The following ASPRV1 variants were observed in gnomAD, a reference collection of about 807,000 sequenced individuals.
ASPRV1 encodes retroviral-like aspartic protease 1.
A neutral mutation model predicts 11.0 loss-of-function variants in ASPRV1; 7 were observed. That is an observed-to-expected ratio of 0.64 (90% confidence interval 0.36 to 1.20). The LOEUF is 1.20. Ranked by LOEUF, ASPRV1 falls within the 50% of genes most tolerant of loss-of-function variation. The probability of loss-of-function intolerance (pLI) is 0.02; values close to 1 mark genes in which losing one functional copy is unlikely to be tolerated. For synonymous variants in ASPRV1, 136 were observed against 138.4 expected (o/e 0.98, Z 0.12); for missense variants, 299 against 320.0 (o/e 0.93, Z 0.50).
At chr2:69,962,039 G>C, upstream of ASPRV1, 1 of 243,056 alleles carries the variant, frequency 4.1e-6, no homozygotes, top group Non-Finnish European at 8.7e-6. Context: ...AAGGAAAACA[G>C]TTTACATGTA....
chr2:70,041,053 T>C, the ASPRV1 span, among the ~76,000 whole-genome samples: 2 of 152,196 alleles, frequency 1.3e-5, no homozygotes, highest in African/African-American at 4.8e-5. Flanking sequence ...GGGTGGGGCT[T>C]GTCTACGGAG....
the ASPRV1 span, chr2:69,935,511 AG>A: frequency 1.5e-6 from 2 of 1,343,822 alleles, no homozygotes; most frequent in Admixed American, 3.4e-5. Context: ...CTGTTCAGTG[AG>A]GGTTTGTCTG....
chr2:70,016,793 G>A, the ASPRV1 span, among the ~76,000 whole-genome samples: 1 of 151,756 alleles, frequency 6.6e-6, no homozygotes. Context: ...GCAGTGAGCT[G>A]AGATCACACC....
downstream of ASPRV1, among the ~76,000 whole-genome samples, chr2:69,955,159 C>G (rs1021654568): frequency 1.3e-5 from 2 of 152,192 alleles, no homozygotes; most frequent in Non-Finnish European, 2.9e-5. Flanking sequence ...CGTGGGGTGG[C>G]GTCATGTCTG....
chr2:69,981,111 C>T, the ASPRV1 span, among the ~76,000 whole-genome samples: 1 of 152,152 alleles, frequency 6.6e-6, no homozygotes, highest in Non-Finnish European at 1.5e-5. Context: ...TTTTTTAAAG[C>T]TCACATTCTT....
chr2:70,085,817 G>A, the ASPRV1 span: 2 of 152,174 alleles, frequency 1.3e-5, no homozygotes, highest in Admixed American at 6.5e-5. Context: ...AAGATTCACC[G>A]GCCAACTGTC....
At chr2:70,030,985 T>C in the ASPRV1 span, 1 of 152,060 alleles carries the variant, frequency 6.6e-6, no homozygotes, top group Non-Finnish European at 1.5e-5. Context: ...CATAAACATA[T>C]CATTACAATG....
the ASPRV1 span, among the ~76,000 whole-genome samples, chr2:69,982,041 AT>A: frequency 4.2e-5 from 1 of 23,594 alleles, no homozygotes; most frequent in Non-Finnish European, 6.4e-5. Context: ...TCATCTATCC[AT>A]CCATCCATCC....
At chr2:69,943,530 G>C in the ASPRV1 span, among the ~76,000 whole-genome samples, 10 of 152,178 alleles carry the variant, frequency 6.6e-5, no homozygotes, top group African/African-American at 1.4e-4. Context: ...TGGACCTGGG[G>C]CATGTCAAAG....
chr2:70,012,782 T>C, the ASPRV1 span, among the ~76,000 whole-genome samples: 5 of 152,224 alleles, frequency 3.3e-5, no homozygotes, highest in Non-Finnish European at 2.9e-5. Context: ...ACTTACCTGA[T>C]TGTTTGAATT....
At chr2:69,950,459 G>A in the ASPRV1 span, among the ~76,000 whole-genome samples, 1 of 152,272 alleles carries the variant, frequency 6.6e-6, no homozygotes, top group South Asian at 2.1e-4. Context: ...TGTGACGTTC[G>A]TTTTTCTTGT....
At chr2:70,005,062 TA>T in the ASPRV1 span, among the ~76,000 whole-genome samples, 1 of 111,102 alleles carries the variant, frequency 9.0e-6, no homozygotes, top group East Asian at 4.0e-4. Context: ...TATGGTTTCT[TA>T]TTATTATTAT....
chr2:70,039,001 C>T, the ASPRV1 span, among the ~76,000 whole-genome samples: 2 of 150,472 alleles, frequency 1.3e-5, no homozygotes, highest in East Asian at 2.0e-4. Flanking sequence ...ATCACTTGAA[C>T]GTGGGAGGCA....
chr2:70,023,100 CTTTCT>C, the ASPRV1 span, among the ~76,000 whole-genome samples: 1 of 152,198 alleles, frequency 6.6e-6, no homozygotes, highest in Admixed American at 6.5e-5. Context: ...AAGATCCACT[CTTTCT>C]TTTCAAAATA....
At chr2:69,938,415 A>T in the ASPRV1 span, 2 of 891,960 alleles carry the variant, frequency 2.2e-6, no homozygotes, top group African/African-American at 1.7e-5. Flanking sequence ...TCAGCTTTGT[A>T]ACTGTTTTCA....
At chr2:69,946,215 C>A in the ASPRV1 span, among the ~76,000 whole-genome samples, 2 of 152,190 alleles carry the variant, frequency 1.3e-5, no homozygotes, top group Non-Finnish European at 2.9e-5. Flanking sequence ...GTGAAGCATT[C>A]GAGCCAGTAA....
the ASPRV1 span, chr2:70,081,541 C>T: frequency 6.6e-6 from 1 of 151,734 alleles, no homozygotes; most frequent in Non-Finnish European, 1.5e-5. Flanking sequence ...ACTGTAGTAA[C>T]CTAGAAAGTA....
In ASPRV1 at chr2:69,961,510, A is replaced by T; in HGVS notation, c.-74T>A. On this transcript the variant is annotated 5_prime_UTR_variant, in exon 1 of 1. In the 5' UTR this introduces an upstream ATG that the reference lacks. Coordinates refer to ENST00000320256, the MANE Select transcript of ASPRV1 (RefSeq NM_152792.4). ...AAACCCACAGAGCAGTGTCGGCGCA[A>T]TCACGCTGGAAAACGGGGCCTCTCG... is the stretch of plus-strand genomic sequence containing the variant. The T allele has an allele frequency of 1.9e-6, 3 of 1,614,102 alleles. No homozygotes were observed. The highest frequency in any genetic ancestry group is 2.5e-6 in the Non-Finnish European group (3 of 1,180,024).
At chr2:69,945,819 A>C in the ASPRV1 span, among the ~76,000 whole-genome samples, 18,564 of 152,202 alleles carry the variant, frequency 0.12, 2,866 homozygotes, top group African/African-American at 0.33. Context: ...GGAGCTAGAG[A>C]GGCCCACTCA....
Sources: allele counts gnomAD v4.1 joint callset (sites outside exome capture counted in the v4.1 genomes callset), GRCh38; gene constraint gnomAD v4.1.1; transcripts MANE v1.5; gene names NCBI Gene and HGNC (gene_info 2026-07-23, HGNC 2026-07-21).